CNTNAP4: variants seen among roughly 807,000 people sequenced by gnomAD.
CNTNAP4 encodes the protein contactin-associated protein-like 4.
A neutral mutation model predicts 148.4 loss-of-function variants in CNTNAP4; 98 were observed. The ratio of observed to expected loss-of-function variants is 0.66; its 90% confidence interval spans 0.56 to 0.78. The LOEUF is 0.78. CNTNAP4 is among the 30% of genes least tolerant of loss of function. CNTNAP4 has a pLI of 0.00. For synonymous variants in CNTNAP4, 730 were observed against 565.1 expected (o/e 1.29, Z -4.14); for missense variants, 1,935 against 1,565.6 (o/e 1.24, Z -3.98).
intron 7 of CNTNAP4, 147 bp from the exon 8 acceptor site, chr16:76,452,361 A>T (rs1286682917): frequency 2.9e-6 from 2 of 682,482 alleles, no homozygotes; most frequent in Non-Finnish European, 4.9e-6. Context: ...CCTTTAAGAA[A>T]TATGGCAGTG....
Position 76,448,909 on chromosome 16 carries a change from C to G in CNTNAP4, c.885C>G (p.Phe295Leu), listed in dbSNP as rs2080352056. The G allele has an allele frequency of 1.2e-6, 2 of 1,613,744 alleles. No individual in the cohort carries two copies. Among genetic ancestry groups the G allele is most frequent in the Non-Finnish European group, 1.7e-6 (2 of 1,179,810 alleles). Residue 295 changes from phenylalanine (F) to leucine (L), a missense_variant, in exon 6 of 24, where the codon TTC becomes TTG. Phe to Leu is a conservative substitution (Grantham distance 22). Transcript: ENST00000611870. ...CAGTGGACGAACACAGGCATCATTT[C>G]CATGCACGGGGAGAATTCAATCTCA... ...NFTVDEHRHHFHARGEFNLMN... is the reference protein window; with the variant it reads ...NFTVDEHRHHLHARGEFNLMN...
rs529041544 is a variant in CNTNAP4 at position 76,475,056 on chromosome 16, A to G, written c.1656-883A>G. Among the ~76,000 whole-genome samples, 191 of 152,238 alleles carry G rather than the reference A, an allele frequency of 1.3e-3. 1 individual carries two copies. The highest frequency in any genetic ancestry group is 4.5e-3 in the African/African-American group (188 of 41,558). On this transcript the variant is annotated intron_variant, in intron 10 of 23. Transcript: ENST00000611870. Reference sequence around the variant, plus strand: ...AAGCCTGTAATCCCAGCTACTCCAGAGGCTAAGGCAGGAGAATACAGGAGG... The same window carrying G: ...AAGCCTGTAATCCCAGCTACTCCAGGGGCTAAGGCAGGAGAATACAGGAGG...
chr16:76,343,766 G>A (rs1964682670), intron 2 of CNTNAP4, among the ~76,000 whole-genome samples: 1 of 151,706 alleles, frequency 6.6e-6, no homozygotes, highest in Non-Finnish European at 1.5e-5. Context: ...ATGAGGTAAA[G>A]AAATCATTTA....
Position 76,332,749 on chromosome 16 carries a change from A to T in CNTNAP4, c.196+16226A>T, listed in dbSNP as rs570713736. ...TTTATCATATTTTTTCCTTTTTATC[A>T]TATTCAGGGATCTTGGGTGATCCTA... On this transcript the variant is annotated intron_variant, in intron 2 of 23. Transcript: ENST00000611870. 8.8e-4 allele frequency among the ~76,000 whole-genome samples: 134 copies of T among 151,624 alleles called. 1 individual carries two copies. The highest frequency in any genetic ancestry group is 3.2e-3 in the African/African-American group (131 of 41,342).
intron 3 of CNTNAP4, among the ~76,000 whole-genome samples, chr16:76,363,033 C>A (rs1357389558): frequency 6.8e-6 from 1 of 147,162 alleles, no homozygotes; most frequent in Non-Finnish European, 1.5e-5. Flanking sequence ...CCAGCCTGGG[C>A]AATATAGCAA....
chr16:76,548,552 G>A (rs369409176), intron 21 of CNTNAP4, among the ~76,000 whole-genome samples: 2 of 151,494 alleles, frequency 1.3e-5, no homozygotes, highest in African/African-American at 2.4e-5. Context: ...CTAATTTCTC[G>A]GTACTCCATT....
At chr16:76,332,779 A>G (rs1423646882) in intron 2 of CNTNAP4, among the ~76,000 whole-genome samples, 1 of 151,964 alleles carries the variant, frequency 6.6e-6, no homozygotes, top group Non-Finnish European at 1.5e-5. Flanking sequence ...ATCCTAGCCA[A>G]CCAGCTTTCC....
intron 2 of CNTNAP4, among the ~76,000 whole-genome samples, chr16:76,330,883 C>T (rs73625327): frequency 8.0e-4 from 122 of 152,054 alleles, no homozygotes; most frequent in African/African-American, 2.5e-3. Flanking sequence ...ACATATGAAC[C>T]GGGATATTTG....
chr16:76,347,578 C>A (rs1965012785), intron 2 of CNTNAP4, among the ~76,000 whole-genome samples: 2 of 152,064 alleles, frequency 1.3e-5, no homozygotes, highest in Non-Finnish European at 2.9e-5. Flanking sequence ...GACTGCGGAG[C>A]AGAAGGAATT....
Position 76,397,689 on chromosome 16 carries a change from C to T in CNTNAP4, c.391-29763C>T, listed in dbSNP as rs544130703. 1.7e-4 allele frequency among the ~76,000 whole-genome samples: 26 copies of T among 151,496 alleles called. No homozygotes were observed. In the East Asian group the frequency reaches 5.1e-3, roughly 30 times the overall value. ...CCTCTGTATGCTAGAAATAATAAGG[C>T]CTGGACCATAAAGTACTAGTGCTAC... On this transcript the variant is annotated intron_variant, in intron 3 of 23. Coordinates refer to ENST00000611870, the MANE Select transcript of CNTNAP4 (RefSeq NM_033401.5).
chr16:76,482,052 G>A (rs1169141304), intron 12 of CNTNAP4, among the ~76,000 whole-genome samples: 1 of 151,802 alleles, frequency 6.6e-6, no homozygotes, highest in African/African-American at 2.4e-5. Flanking sequence ...TTAAGAAACG[G>A]TGGGATGCAA....
chr16:76,543,681 T>C (rs547155745), intron 21 of CNTNAP4, among the ~76,000 whole-genome samples: 11 of 152,256 alleles, frequency 7.2e-5, no homozygotes, highest in African/African-American at 2.6e-4. Context: ...AAAGTCAGCC[T>C]CCAGAGGAGT....
intron 1 of CNTNAP4, among the ~76,000 whole-genome samples, chr16:76,300,696 C>T (rs538298451): frequency 1.7e-3 from 252 of 152,152 alleles, no homozygotes; most frequent in African/African-American, 5.8e-3. Flanking sequence ...AAAGATTTAA[C>T]GTGGTTGAGA....
chr16:76,336,362 T>C (rs1190613192), intron 2 of CNTNAP4, among the ~76,000 whole-genome samples: 1 of 152,196 alleles, frequency 6.6e-6, no homozygotes, highest in African/African-American at 2.4e-5. Context: ...CTCAGCATTA[T>C]CAAGTTGTTA....
chr16:76,549,647 C>T (rs1321016701), intron 21 of CNTNAP4, among the ~76,000 whole-genome samples: 1 of 150,144 alleles, frequency 6.7e-6, no homozygotes, highest in Non-Finnish European at 1.5e-5. Context: ...AAAAAAAGAC[C>T]TTGAGGATCT....
At chr16:76,326,627 G>C (rs548582364) in intron 2 of CNTNAP4, among the ~76,000 whole-genome samples, 16 of 152,208 alleles carry the variant, frequency 1.1e-4, no homozygotes, top group Non-Finnish European at 1.9e-4. Context: ...CATAAAAAAT[G>C]ATGAGTTCAT....
chr16:76,542,896 A>G (rs778377824), intron 21 of CNTNAP4, among the ~76,000 whole-genome samples: 3 of 152,202 alleles, frequency 2.0e-5, no homozygotes, highest in Non-Finnish European at 4.4e-5. Flanking sequence ...GCAAGATATT[A>G]TACCACTGTG....
chr16:76,416,086 A>T (rs918092657), intron 3 of CNTNAP4, among the ~76,000 whole-genome samples: 19 of 151,064 alleles, frequency 1.3e-4, no homozygotes, highest in Non-Finnish European at 1.3e-4. Context: ...TCTGATATCC[A>T]TGGGCTCAAT....
At chr16:76,378,543 C>T (rs2015658892) in intron 3 of CNTNAP4, among the ~76,000 whole-genome samples, 2 of 152,180 alleles carry the variant, frequency 1.3e-5, no homozygotes, top group South Asian at 2.1e-4. Context: ...TATCACAGGT[C>T]ATGACATGGA....
Sources: gnomAD v4.1 joint callset for allele counts (sites outside exome capture counted in the v4.1 genomes callset) on GRCh38, gnomAD v4.1.1 for gene constraint, MANE v1.5 for transcripts, NCBI Gene and HGNC (gene_info 2026-07-23, HGNC 2026-07-21) for gene names.